STARD10: variants seen among roughly 807,000 people sequenced by gnomAD.
STARD10 encodes the protein START domain-containing protein 10.
Under a neutral mutation model 36.0 loss-of-function variants are expected in STARD10, and 24 were observed. The ratio of observed to expected loss-of-function variants is 0.67; its 90% CI spans 0.48 to 0.94. The LOEUF is 0.94. Ranked by LOEUF, STARD10 falls within the 40% of genes least tolerant of loss-of-function variation. The probability of loss-of-function intolerance (pLI) is 0.00; values close to 1 mark genes in which losing one functional copy is unlikely to be tolerated. For synonymous variants in STARD10, 156 were observed against 161.9 expected (o/e 0.96, Z 0.28); for missense variants, 335 against 396.6 (o/e 0.84, Z 1.32).
intron 2 of STARD10, among the ~76,000 whole-genome samples, chr11:72,762,493 C>T (rs1858730456): frequency 6.6e-6 from 1 of 152,072 alleles, no homozygotes; most frequent in African/African-American, 2.4e-5. Context: ...TCCCTTTCTA[C>T]CCCATTTACC....
chr11:72,772,421 C>T (rs530946), intron 2 of STARD10, among the ~76,000 whole-genome samples: 31,645 of 152,074 alleles, frequency 0.21, 6,158 homozygotes, highest in African/African-American at 0.52. Context: ...GTGGGCATGG[C>T]TCTGGACTTG....
At chr11:72,790,170 A>C (rs1859123272) in intron 1 of STARD10, among the ~76,000 whole-genome samples, 1 of 152,022 alleles carries the variant, frequency 6.6e-6, no homozygotes, top group South Asian at 2.1e-4. Context: ...CTCCCTGCAA[A>C]CCACAGCCCA....
rs764367371 is a variant in STARD10, at chr11:72,755,015, G to T, written c.758C>A (p.Ser253Ter). 2 of 1,612,902 alleles carry T rather than the reference G, an allele frequency of 1.2e-6. No individual in the cohort carries two copies. Among genetic ancestry groups the T allele is most frequent in the East Asian group, 2.2e-5 (1 of 44,846 alleles). The change falls in exon 7 of 7, where the codon TCG (serine) becomes TAG (stop). Residue 253 changes from serine (S) to a stop codon, truncating the protein, a stop_gained. Coordinates refer to ENST00000334805, the MANE Select transcript of STARD10 (RefSeq NM_006645.3). LOFTEE classifies it high-confidence loss of function. ...CTCCAGTGAGTCCGCATGCTGCACC[G>T]ACAGCTCCGACAGCGCCAGGCTCGG... is the stretch of plus-strand genomic sequence containing the variant. The part of the protein sequence containing the change: ...PLPSLALSEL[S>*]VQHADSLENI...
At chr11:72,791,320 A>G (rs910327385) in intron 1 of STARD10, among the ~76,000 whole-genome samples, 11 of 152,112 alleles carry the variant, frequency 7.2e-5, no homozygotes, top group Non-Finnish European at 4.4e-5. Flanking sequence ...CACTAAATAA[A>G]TGTTTGATGA....
At chr11:72,780,267 G>C in intron 2 of STARD10, 1 of 394,794 alleles carries the variant, frequency 2.5e-6, no homozygotes, top group South Asian at 1.7e-5. Context: ...TTGTGGGGTT[G>C]GGAAGAGCAG....
intron 5 of STARD10, among the ~76,000 whole-genome samples, chr11:72,756,936 G>T (rs1858652582): frequency 6.6e-6 from 1 of 152,074 alleles, no homozygotes; most frequent in Non-Finnish European, 1.5e-5. Flanking sequence ...ACAAGGTCAG[G>T]AGTTCGAGAC....
chr11:72,771,902 G>A (rs1778912736), intron 2 of STARD10, among the ~76,000 whole-genome samples: 1 of 152,178 alleles, frequency 6.6e-6, no homozygotes, highest in African/African-American at 2.4e-5. Flanking sequence ...ATGCCAGTGG[G>A]ACAACACAGA....
chr11:72,760,232 C>CATTT (rs1858698448), intron 2 of STARD10, among the ~76,000 whole-genome samples: 5 of 148,416 alleles, frequency 3.4e-5, no homozygotes, highest in Admixed American at 6.7e-5. Context: ...TTCATTCATT[C>CATTT]ATTCATTTAT....
At chr11:72,767,287 G>T (rs1352334465) in intron 2 of STARD10, among the ~76,000 whole-genome samples, 1 of 152,182 alleles carries the variant, frequency 6.6e-6, no homozygotes, top group Admixed American at 6.5e-5. Flanking sequence ...ACCCCACAGG[G>T]GCTGAAATTT....
chr11:72,755,308 T>A, intron 6 of STARD10, 166 bp from the exon 7 acceptor site: 10 of 290,818 alleles, frequency 3.4e-5, no homozygotes, highest in Non-Finnish European at 4.3e-5. Flanking sequence ...TCTCCATTCT[T>A]TTTTTTTTTT....
intron 1 of STARD10, among the ~76,000 whole-genome samples, chr11:72,791,080 G>A (rs1260702394): frequency 6.6e-6 from 1 of 152,162 alleles, no homozygotes; most frequent in African/African-American, 2.4e-5. Context: ...TAATTTATAG[G>A]TAAACCTTGA....
At chr11:72,780,039 G>A in intron 2 of STARD10, 1 of 307,548 alleles carries the variant, frequency 3.3e-6, no homozygotes, top group Non-Finnish European at 6.8e-6. Flanking sequence ...CAAGGAAGAG[G>A]AAGGCGAAGG....
chr11:72,778,983 G>A (rs1301226000), intron 2 of STARD10, among the ~76,000 whole-genome samples: 2 of 152,320 alleles, frequency 1.3e-5, no homozygotes, highest in African/African-American at 2.4e-5. Flanking sequence ...GCCACGAGTG[G>A]TCTGTTGCAG....
chr11:72,757,760 C>T lies in STARD10; in HGVS notation c.577+7G>A, dbSNP rs374367146. ...CCCATGATAGGCTGCCAGGGCCAAG[C>T]CCTCACCTTTGGGGTCCACCTGGGC... On this transcript the variant is annotated splice_region_variant and intron_variant, in intron 5 of 6. Coordinates refer to ENST00000334805, the MANE Select transcript of STARD10 (RefSeq NM_006645.3). 9.3e-6 allele frequency: 15 copies of T among 1,613,120 alleles called. No individual in the cohort carries two copies. Among genetic ancestry groups the T allele is most frequent in the Non-Finnish European group, 1.3e-5 (15 of 1,179,474 alleles).
chr11:72,765,260 C>G (rs1858772337), intron 2 of STARD10, among the ~76,000 whole-genome samples: 1 of 152,144 alleles, frequency 6.6e-6, no homozygotes, highest in Admixed American at 6.5e-5. Context: ...CAGCAAAACT[C>G]TGTCTCAAAA....
Position 72,755,873 on chromosome 11 carries a change from G to T in STARD10, c.578-120C>A, listed in dbSNP as rs1177246373. 4.5e-6 allele frequency: 4 copies of T among 895,758 alleles called. No individual in the cohort carries two copies. The African/African-American group carries it at 5.1e-5, about 11-fold the overall frequency. The allele number at this position is 895,758 out of a possible 1,614,324, so 55.5% of individuals were successfully genotyped here. A position where few individuals can be genotyped will look rare whatever the true frequency, so the allele number is the denominator to read the frequency against. On this transcript the variant is annotated intron_variant, in intron 5 of 6. Transcript: ENST00000334805. ...CCACTGTCTTCCCCATGAGGAGGAG[G>T]TGTGTGAGGCAAGTCCTACAAGCCT...
rs763857912 is a variant in STARD10 at position 72,755,676 on chromosome 11, T to TC, written c.630+24dup. 7 of 1,612,356 alleles carry TC rather than the reference T, an allele frequency of 4.3e-6. No homozygotes were observed. In the East Asian group the frequency reaches 1.6e-4, roughly 36 times the overall value. On this transcript the variant is annotated intron_variant, in intron 6 of 6. Coordinates refer to ENST00000334805, the MANE Select transcript of STARD10 (RefSeq NM_006645.3). ...TCCTCTTTCCAGTCTTCAACACCCC[T>TC]CCCCAAAATCCCAAGGCCACTCACC... is the stretch of plus-strand genomic sequence containing the variant.
chr11:72,759,301 G>A lies in STARD10; in HGVS notation c.288C>T (p.Asp96=). 6.2e-7 allele frequency: 1 copy of A among 1,614,146 alleles called. No individual in the cohort carries two copies. Among genetic ancestry groups the A allele is most frequent in the Non-Finnish European group, 8.5e-7 (1 of 1,180,028 alleles). ...TGTCAAAAGTCTCAATGACGTTGCTGTCCCATTTCTTGCGGTACTCAATGT... is the reference window on the plus strand; with the variant it reads ...TGTCAAAAGTCTCAATGACGTTGCTATCCCATTTCTTGCGGTACTCAATGT... ...LHDIEYRKKW[D]SNVIETFDIA... The change falls in exon 3 of 7, where the codon GAC becomes GAT. Residue 96 remains aspartate (D), a synonymous_variant. Transcript: ENST00000334805.
At chr11:72,757,979 A>G in intron 4 of STARD10, 95 bp from the exon 5 acceptor site, 1 of 1,052,736 alleles carries the variant, frequency 9.5e-7, no homozygotes, top group Non-Finnish European at 1.5e-6. Context: ...ACACACACAT[A>G]CAGTTAATTC....
Sources: allele counts gnomAD v4.1 joint callset (sites outside exome capture counted in the v4.1 genomes callset), GRCh38; gene constraint gnomAD v4.1.1; transcripts MANE v1.5; gene names NCBI Gene and HGNC (gene_info 2026-07-23, HGNC 2026-07-21).